The following SMIM35 variants were observed in gnomAD, a reference collection of about 807,000 sequenced individuals.
The protein encoded by SMIM35 is TMPRSS4 antisense RNA 1 (non-protein coding).
chr11:118,015,658 C>G (rs952776759), intron 2 of SMIM35, 35 bp downstream of exon 2: 14 of 399,108 alleles, frequency 3.5e-5, no homozygotes, highest in Non-Finnish European at 5.7e-5. Context: ...AGGAGCTGCG[C>G]AGAACCGGGG....
At chr11:118,077,337 A>C in intron 1 of SMIM35, 1 of 1,584,990 alleles carries the variant, frequency 6.3e-7, no homozygotes, top group Non-Finnish European at 8.6e-7. Context: ...CCCAAGACAC[A>C]GGAAGGGTGG....
rs1444220380 is a variant in SMIM35, at chr11:118,044,807, A to AACAC, written c.8-28999_8-28998insGTGT. ...AAAAAAAAGTTCATTCTACTAAAAA[A>AACAC]AAAACAAAACAAACAAACAAACAAA... On this transcript the variant is annotated intron_variant, in intron 1 of 4. Coordinates refer to ENST00000689828, the MANE Select transcript of SMIM35 (RefSeq NM_001394165.1). Among the ~76,000 whole-genome samples the AACAC allele has an allele frequency of 2.4e-3, 360 of 151,140 alleles. 4 individuals carry two copies. The highest frequency in any genetic ancestry group is 8.1e-3 in the African/African-American group (334 of 41,130).
chr11:118,013,839 C>T lies in SMIM35; in HGVS notation c.200G>A (p.Ser67Asn), dbSNP rs1309673474. 2 of 398,984 alleles carry T rather than the reference C, an allele frequency of 5.0e-6. No individual in the cohort carries two copies. The highest frequency in any genetic ancestry group is 8.8e-6 in the Non-Finnish European group (2 of 226,114). 24.7% of individuals were successfully genotyped at this position (398,984 alleles called of 1,614,324 possible). ...DLEMGPPFTISGHISSTDGGY... is the reference protein window; with the variant it reads ...DLEMGPPFTINGHISSTDGGY... ...ACCATCTGTGCTGCTGATGTGACCA[C>T]TGATGGTGAAGGGTGGACCCATCTC... Residue 67 changes from serine (S) to asparagine (N), a missense_variant, in exon 4 of 5, where the codon AGT (serine) becomes AAT (asparagine). Transcript: ENST00000689828.
At chr11:118,032,884 G>A (rs954278499) in intron 1 of SMIM35, among the ~76,000 whole-genome samples, 22 of 152,032 alleles carry the variant, frequency 1.4e-4, no homozygotes, top group African/African-American at 5.3e-4. Flanking sequence ...CTTCAGCCTG[G>A]GCAACAGAAT....
chr11:118,012,836 T>C (rs549092948), intron 4 of SMIM35, among the ~76,000 whole-genome samples: 6 of 152,184 alleles, frequency 3.9e-5, no homozygotes, highest in Admixed American at 1.3e-4. Flanking sequence ...ACTTTGCTTA[T>C]TGAAGCTATG....
intron 1 of SMIM35, among the ~76,000 whole-genome samples, chr11:118,078,675 G>T (rs1423264559): frequency 1.3e-5 from 2 of 152,154 alleles, no homozygotes; most frequent in African/African-American, 4.8e-5. Context: ...TGGGTGGCAG[G>T]CACTGAGGAG....
intron 4 of SMIM35, among the ~76,000 whole-genome samples, chr11:118,012,851 G>C (rs1372988270): frequency 6.6e-6 from 1 of 152,206 alleles, no homozygotes; most frequent in Non-Finnish European, 1.5e-5. Flanking sequence ...GCTATGAGTG[G>C]CTTTCTGGCC....
chr11:118,018,456 G>A (rs2058201000), intron 1 of SMIM35, among the ~76,000 whole-genome samples: 1 of 152,134 alleles, frequency 6.6e-6, no homozygotes, highest in Non-Finnish European at 1.5e-5. Flanking sequence ...AAGAGGCCAA[G>A]GTCAAAGAAG....
At chr11:118,065,110 G>A (rs1271804493) in intron 1 of SMIM35, among the ~76,000 whole-genome samples, 3 of 152,162 alleles carry the variant, frequency 2.0e-5, no homozygotes, top group Non-Finnish European at 2.9e-5. Flanking sequence ...GCCCTTCTGC[G>A]TGGTCAAACA....
intron 1 of SMIM35, among the ~76,000 whole-genome samples, chr11:118,063,300 C>T (rs1470276247): frequency 1.3e-5 from 2 of 152,170 alleles, no homozygotes; most frequent in East Asian, 1.9e-4. Context: ...TGGATGGGGA[C>T]CCCTTTCCTA....
chr11:118,019,786 G>T (rs2058210608), intron 1 of SMIM35, among the ~76,000 whole-genome samples: 1 of 151,088 alleles, frequency 6.6e-6, no homozygotes, highest in African/African-American at 2.4e-5. Context: ...CATAATTTTT[G>T]TATGGAAATT....
At chr11:118,007,896 A>T (rs1459350164) in intron 4 of SMIM35, among the ~76,000 whole-genome samples, 1 of 147,880 alleles carries the variant, frequency 6.8e-6, no homozygotes. Context: ...TTCTTTTGAC[A>T]GTCTTGCTCT....
At chr11:118,053,558 C>T (rs1318813861) in intron 1 of SMIM35, among the ~76,000 whole-genome samples, 1 of 152,168 alleles carries the variant, frequency 6.6e-6, no homozygotes, top group African/African-American at 2.4e-5. Flanking sequence ...TCCTGAGAAA[C>T]CATTCCTGCA....
intron 4 of SMIM35, among the ~76,000 whole-genome samples, chr11:118,007,802 C>G (rs1379974283): frequency 6.6e-6 from 1 of 152,068 alleles, no homozygotes; most frequent in Non-Finnish European, 1.5e-5. Context: ...CCCAATAGCT[C>G]TGCAGATAAA....
At chr11:118,080,766 C>T (rs1266408466) in intron 1 of SMIM35, among the ~76,000 whole-genome samples, 1 of 152,158 alleles carries the variant, frequency 6.6e-6, no homozygotes, top group African/African-American at 2.4e-5. Flanking sequence ...TCCCAAAGCC[C>T]CAGAAACGCC....
intron 1 of SMIM35, chr11:118,029,873 C>T (rs2058304344): frequency 2.2e-6 from 1 of 445,296 alleles, no homozygotes; most frequent in Non-Finnish European, 4.5e-6. Context: ...TTGCTACCTC[C>T]ACATCACCAA....
intron 1 of SMIM35, among the ~76,000 whole-genome samples, chr11:118,027,891 T>C (rs2058287677): frequency 1.3e-5 from 2 of 152,194 alleles, no homozygotes; most frequent in Admixed American, 6.5e-5. Context: ...CCTCCACTCT[T>C]ACCATTAAGA....
chr11:118,060,357 C>T (rs1488880283), intron 1 of SMIM35, among the ~76,000 whole-genome samples: 1 of 152,250 alleles, frequency 6.6e-6, no homozygotes, highest in Admixed American at 6.5e-5. Flanking sequence ...CCCACCTCCC[C>T]ACACACCTCT....
intron 1 of SMIM35, among the ~76,000 whole-genome samples, chr11:118,030,971 G>C (rs1017584157): frequency 1.3e-5 from 2 of 151,982 alleles, no homozygotes; most frequent in African/African-American, 4.8e-5. Context: ...TGCTAGAGAG[G>C]ACATGGCAGC....
Sources: allele counts gnomAD v4.1 joint callset (sites outside exome capture counted in the v4.1 genomes callset), GRCh38; gene constraint gnomAD v4.1.1; transcripts MANE v1.5; gene names NCBI Gene and HGNC (gene_info 2026-07-23, HGNC 2026-07-21).